The following SUMF1 variants were observed in gnomAD, a reference collection of about 807,000 sequenced individuals.
SUMF1 encodes the protein sulfatase modifying factor 1.
A neutral mutation model predicts 47.6 loss-of-function variants in SUMF1; 48 were observed. The observed-to-expected ratio is 1.01, with a 90% CI of 0.80 to 1.28. The LOEUF is 1.28. Ranked by LOEUF, SUMF1 falls within the 50% of genes most tolerant of loss-of-function variation. The pLI, the probability that SUMF1 is intolerant of heterozygous loss-of-function variation, is 0.00. For synonymous variants in SUMF1, 230 were observed against 192.1 expected (o/e 1.20, Z -1.63); for missense variants, 571 against 485.4 (o/e 1.18, Z -1.66).
chr3:4,266,365 T>C (rs568735764), intron 8 of SUMF1, among the ~76,000 whole-genome samples: 1 of 152,218 alleles, frequency 6.6e-6, no homozygotes, highest in Admixed American at 6.5e-5. Flanking sequence ...CCCATGAGCA[T>C]GGAATGTTCT....
chr3:4,123,506 G>A (rs1389396883), intron 8 of SUMF1, among the ~76,000 whole-genome samples: 1 of 152,096 alleles, frequency 6.6e-6, no homozygotes, highest in South Asian at 2.1e-4. Context: ...CTAAAACATT[G>A]TTTCTTCTAC....
chr3:4,421,084 C>A (rs1361330432), intron 3 of SUMF1, among the ~76,000 whole-genome samples: 1 of 152,188 alleles, frequency 6.6e-6, no homozygotes, highest in African/African-American at 2.4e-5. Flanking sequence ...TTAACTCCTA[C>A]TTTATGGTTC....
intron 8 of SUMF1, among the ~76,000 whole-genome samples, chr3:4,122,616 G>A (rs1693571230): frequency 6.6e-6 from 1 of 152,124 alleles, no homozygotes; most frequent in South Asian, 2.1e-4. Flanking sequence ...CTGGACATAG[G>A]GATGAAGGAA....
chr3:4,129,140 G>A (rs1241586115), intron 8 of SUMF1, among the ~76,000 whole-genome samples: 1 of 152,078 alleles, frequency 6.6e-6, no homozygotes, highest in Non-Finnish European at 1.5e-5. Context: ...TTGCATCTTT[G>A]AAGAGCCCTG....
At chr3:4,414,405 CT>C (rs553386238) in intron 6 of SUMF1, among the ~76,000 whole-genome samples, 55 of 152,334 alleles carry the variant, frequency 3.6e-4, no homozygotes, top group African/African-American at 1.3e-3. Flanking sequence ...TGTAGTCCAT[CT>C]CATTATCAAA....
chr3:4,381,692 T>A (rs1426568785), intron 7 of SUMF1, among the ~76,000 whole-genome samples: 1 of 152,206 alleles, frequency 6.6e-6, no homozygotes, highest in Non-Finnish European at 1.5e-5. Flanking sequence ...TATGAGTGAA[T>A]GTTCTTTATA....
chr3:4,389,332 GTTT>G (rs58961505), intron 7 of SUMF1, among the ~76,000 whole-genome samples: 19,678 of 139,880 alleles, frequency 0.14, 1,397 homozygotes, highest in African/African-American at 0.19. Context: ...CATTCAAATT[GTTT>G]TTTTTTTTTT....
At chr3:4,072,007 C>G (rs1244043774) in intron 8 of SUMF1, among the ~76,000 whole-genome samples, 3 of 152,180 alleles carry the variant, frequency 2.0e-5, no homozygotes, top group Non-Finnish European at 4.4e-5. Context: ...AGAGATACCT[C>G]CCAGTAGGGG....
intron 8 of SUMF1, among the ~76,000 whole-genome samples, chr3:4,206,067 G>C (rs1047059341): frequency 6.6e-6 from 1 of 151,970 alleles, no homozygotes; most frequent in African/African-American, 2.4e-5. Flanking sequence ...CTAGGAACTA[G>C]GGCCTGAAAT....
In SUMF1 at chr3:4,146,177, T is replaced by C. The variant is rs149008616; in HGVS notation, c.1015-77432A>G. Among the ~76,000 whole-genome samples, 20 of 151,918 alleles carry C rather than the reference T, an allele frequency of 1.3e-4. No homozygotes were observed. The East Asian group carries it at 3.9e-3, about 29-fold the overall frequency. ...GAATCGCACGTGTGTTCTGGGAGGA[T>C]TTCAAAGAAAACCTGGGGAAAAGAG... On this transcript the variant is annotated intron_variant and NMD_transcript_variant, in intron 8 of 12. Transcript: ENST00000448413.
chr3:4,065,071 A>G (rs183171443), intron 9 of SUMF1, among the ~76,000 whole-genome samples: 1 of 152,252 alleles, frequency 6.6e-6, no homozygotes, highest in Admixed American at 6.5e-5. Flanking sequence ...ACTCTGATTT[A>G]TGGTATGTAA....
chr3:4,302,126 G>T (rs1240282594), intron 8 of SUMF1, among the ~76,000 whole-genome samples: 2 of 152,190 alleles, frequency 1.3e-5, no homozygotes, highest in African/African-American at 4.8e-5. Flanking sequence ...TCTGAGACAG[G>T]TCTCAATTTA....
intron 7 of SUMF1, among the ~76,000 whole-genome samples, chr3:4,396,839 A>G (rs972646776): frequency 3.3e-5 from 5 of 152,226 alleles, no homozygotes; most frequent in African/African-American, 1.2e-4. Flanking sequence ...TCTCTGACCT[A>G]TATAACAGTA....
At chr3:4,212,999 T>A (rs1177301186) in intron 8 of SUMF1, among the ~76,000 whole-genome samples, 1 of 152,060 alleles carries the variant, frequency 6.6e-6, no homozygotes, top group African/African-American at 2.4e-5. Flanking sequence ...CAGGATATTA[T>A]CCAGGAGAAC....
At chr3:4,447,835 A>G (rs1042416417) in intron 3 of SUMF1, among the ~76,000 whole-genome samples, 2 of 152,206 alleles carry the variant, frequency 1.3e-5, no homozygotes, top group African/African-American at 4.8e-5. Flanking sequence ...AGGCACCTTC[A>G]CAGCCTAGCA....
chr3:4,155,224 G>A lies in SUMF1; in HGVS notation c.1015-86479C>T, dbSNP rs117946117. On this transcript the variant is annotated intron_variant and NMD_transcript_variant, in intron 8 of 12. Transcript: ENST00000448413. ...TATGCCAATTAAGGTACTGTGCTTA[G>A]GTTCATGTGCAGAGGAAGGAAGCCC... Among the ~76,000 whole-genome samples the A allele has an allele frequency of 1.0e-3, 152 of 151,546 alleles. 3 individuals are homozygous for A. The East Asian group carries it at 0.028, about 28-fold the overall frequency.
chr3:4,250,034 A>AT lies in SUMF1; in HGVS notation c.1014+126295dup, dbSNP rs1275670127. On this transcript the variant is annotated intron_variant and NMD_transcript_variant, in intron 8 of 12. Coordinates refer to the SUMF1 transcript ENST00000448413. ...TGCTGTCTCTACTAAAAATACAAAA[A>AT]TTAGCCAGGCATAGTGGCACACACC... Among the ~76,000 whole-genome samples the AT allele has an allele frequency of 1.2e-4, 19 of 152,158 alleles. No homozygotes were observed. In the East Asian group the frequency reaches 3.5e-3, roughly 28 times the overall value.
intron 2 of SUMF1, among the ~76,000 whole-genome samples, chr3:4,451,685 C>T (rs965160608): frequency 9.9e-5 from 15 of 152,100 alleles, no homozygotes; most frequent in African/African-American, 3.6e-4. Flanking sequence ...TGTACAAAAA[C>T]GGTTTTTTTG....
intron 8 of SUMF1, among the ~76,000 whole-genome samples, chr3:4,155,301 C>G (rs909739855): frequency 2.0e-5 from 3 of 151,490 alleles, no homozygotes; most frequent in Admixed American, 2.0e-4. Context: ...TGCCTAGATT[C>G]AGACACTCTT....
Sources: gnomAD v4.1 joint callset for allele counts (sites outside exome capture counted in the v4.1 genomes callset) on GRCh38, gnomAD v4.1.1 for gene constraint, MANE v1.5 for transcripts, NCBI Gene and HGNC (gene_info 2026-07-23, HGNC 2026-07-21) for gene names.